The following ZNRF1 variants were observed in gnomAD, a reference collection of about 807,000 sequenced individuals.
ZNRF1 encodes E3 ubiquitin-protein ligase ZNRF1.
Under a neutral mutation model 18.4 loss-of-function variants are expected in ZNRF1, and 3 were observed. The ratio of observed to expected loss-of-function variants is 0.16; its 90% CI spans 0.07 to 0.42. The LOEUF (loss-of-function observed/expected upper bound fraction) is 0.42, where lower values mean the gene tolerates loss of function less well. Ranked by LOEUF, ZNRF1 falls within the 10% of genes least tolerant of loss-of-function variation. ZNRF1 has a pLI of 0.99. For missense variants in ZNRF1, 310 were observed against 329.8 expected, an observed-to-expected ratio of 0.94 and a Z score of 0.47; for synonymous variants, 157 against 144.2, an observed-to-expected ratio of 1.09 and a Z score of -0.64.
chr16:75,079,094 T>G (rs944058352), intron 1 of ZNRF1, among the ~76,000 whole-genome samples: 1 of 152,210 alleles, frequency 6.6e-6, no homozygotes, highest in East Asian at 1.9e-4. Flanking sequence ...TAGCATACTT[T>G]ACATGCCTTG....
chr16:75,016,627 C>T (rs904445159), intron 1 of ZNRF1, among the ~76,000 whole-genome samples: 1 of 151,948 alleles, frequency 6.6e-6, no homozygotes, highest in Non-Finnish European at 1.5e-5. Context: ...CGTCTGCCTC[C>T]CGGGTTCAAG....
chr16:74,999,640 C>T lies in ZNRF1; in HGVS notation c.-32C>T, dbSNP rs2034810048. 2.3e-6 allele frequency: 3 copies of T among 1,324,192 alleles called. No individual in the cohort carries two copies. Among genetic ancestry groups the T allele is most frequent in the African/African-American group, 1.5e-5 (1 of 64,738 alleles). The allele number at this position is 1,324,192 out of a possible 1,614,324, so 82.0% of individuals were successfully genotyped here. ...AGAAGTGGGGGAGGGTCTCGGCCTCCAGGTTCCCGCCCCACCGGGGCCCGG... is the reference window on the plus strand; with the variant it reads ...AGAAGTGGGGGAGGGTCTCGGCCTCTAGGTTCCCGCCCCACCGGGGCCCGG... On this transcript the variant is annotated 5_prime_UTR_variant, in exon 1 of 5. Coordinates refer to ENST00000335325, the MANE Select transcript of ZNRF1 (RefSeq NM_032268.5).
chr16:75,029,498 G>A (rs1372844691), intron 1 of ZNRF1, among the ~76,000 whole-genome samples: 2 of 152,188 alleles, frequency 1.3e-5, no homozygotes, highest in South Asian at 2.1e-4. Flanking sequence ...TGGACTCAGT[G>A]GCTCACACTT....
intron 2 of ZNRF1, among the ~76,000 whole-genome samples, chr16:75,094,112 G>A (rs2036171778): frequency 6.6e-6 from 1 of 152,212 alleles, no homozygotes; most frequent in South Asian, 2.1e-4. Context: ...TGCATAGAGT[G>A]CTGGGAAGCT....
chr16:75,008,269 A>C (rs556891025), intron 1 of ZNRF1, among the ~76,000 whole-genome samples: 4 of 152,146 alleles, frequency 2.6e-5, no homozygotes, highest in African/African-American at 4.8e-5. Flanking sequence ...ATTGTTGGCT[A>C]TTTGATGGTT....
chr16:75,018,351 A>G (rs907757285), intron 1 of ZNRF1, among the ~76,000 whole-genome samples: 2 of 152,186 alleles, frequency 1.3e-5, no homozygotes, highest in Non-Finnish European at 2.9e-5. Flanking sequence ...AAATTCAGAG[A>G]ATCACACCCT....
At chr16:75,042,394 T>C (rs539499557) in intron 1 of ZNRF1, among the ~76,000 whole-genome samples, 1 of 152,176 alleles carries the variant, frequency 6.6e-6, no homozygotes, top group East Asian at 1.9e-4. Context: ...GTGTTCCATT[T>C]TGAGTTAATT....
At chr16:75,090,912 A>G (rs1032476230) in intron 1 of ZNRF1, among the ~76,000 whole-genome samples, 8 of 152,152 alleles carry the variant, frequency 5.3e-5, no homozygotes, top group African/African-American at 1.9e-4. Context: ...ATAAAAATTT[A>G]ATTTTAATTT....
At chr16:75,011,640 A>G (rs1380046508) in intron 1 of ZNRF1, among the ~76,000 whole-genome samples, 1 of 152,206 alleles carries the variant, frequency 6.6e-6, no homozygotes, top group African/African-American at 2.4e-5. Context: ...TATGACTGAA[A>G]CATTCATGCC....
chr16:75,082,236 G>A (rs771541671), intron 1 of ZNRF1, among the ~76,000 whole-genome samples: 6 of 152,004 alleles, frequency 3.9e-5, no homozygotes, highest in Non-Finnish European at 7.4e-5. Context: ...ATCATGTCCC[G>A]GTCCCTGCTT....
chr16:75,016,608 T>C (rs1205239370), intron 1 of ZNRF1, among the ~76,000 whole-genome samples: 1 of 151,874 alleles, frequency 6.6e-6, no homozygotes, highest in Non-Finnish European at 1.5e-5. Flanking sequence ...TGATCTCGAC[T>C]GACTGCAACG....
intron 1 of ZNRF1, among the ~76,000 whole-genome samples, chr16:75,030,995 G>A (rs1393366645): frequency 2.0e-5 from 3 of 151,242 alleles, no homozygotes; most frequent in Non-Finnish European, 4.4e-5. Flanking sequence ...GCACCGCCAC[G>A]CCTAGCTAAT....
intron 1 of ZNRF1, among the ~76,000 whole-genome samples, chr16:75,040,720 G>C (rs2035436859): frequency 6.8e-6 from 1 of 147,662 alleles, no homozygotes; most frequent in Non-Finnish European, 1.5e-5. Context: ...GATTCTCCTG[G>C]CTTAGCCTCC....
At chr16:75,032,156 C>T (rs2035314463) in intron 1 of ZNRF1, among the ~76,000 whole-genome samples, 1 of 135,464 alleles carries the variant, frequency 7.4e-6, no homozygotes, top group African/African-American at 2.9e-5. Flanking sequence ...GTCGCCCAGG[C>T]TGGAGTGCAG....
intron 1 of ZNRF1, among the ~76,000 whole-genome samples, chr16:75,060,350 C>A (rs189595997): frequency 6.6e-6 from 1 of 151,972 alleles, no homozygotes; most frequent in Non-Finnish European, 1.5e-5. Context: ...TGCACCCGGC[C>A]GACAGTTTTC....
chr16:75,057,693 T>C (rs1288085034), intron 1 of ZNRF1, among the ~76,000 whole-genome samples: 1 of 152,204 alleles, frequency 6.6e-6, no homozygotes, highest in Non-Finnish European at 1.5e-5. Context: ...TGGAGCGCAG[T>C]GGCACAACCT....
At chr16:75,104,593 T>G (rs1199592914) in intron 2 of ZNRF1, 191 bp from the exon 3 acceptor site, 2 of 493,002 alleles carry the variant, frequency 4.1e-6, no homozygotes, top group African/African-American at 3.9e-5. Flanking sequence ...AATTAACATG[T>G]GATGTCCACG....
At chr16:75,079,096 C>T (rs1383762488) in intron 1 of ZNRF1, among the ~76,000 whole-genome samples, 1 of 152,214 alleles carries the variant, frequency 6.6e-6, no homozygotes, top group East Asian at 1.9e-4. Flanking sequence ...GCATACTTTA[C>T]ATGCCTTGAG....
intron 1 of ZNRF1, among the ~76,000 whole-genome samples, chr16:75,034,277 T>A (rs2035348691): frequency 6.6e-6 from 1 of 152,246 alleles, no homozygotes; most frequent in Non-Finnish European, 1.5e-5. Context: ...AAACTATAAC[T>A]CTGTACCCAT....
Sources: gnomAD v4.1 joint callset for allele counts (sites outside exome capture counted in the v4.1 genomes callset) on GRCh38, gnomAD v4.1.1 for gene constraint, MANE v1.5 for transcripts, NCBI Gene and HGNC (gene_info 2026-07-23, HGNC 2026-07-21) for gene names.